Variants in MPHOSPH6 observed in about 807,000 individuals in gnomAD.
The protein encoded by MPHOSPH6 is M-phase phosphoprotein 6.
Under a neutral mutation model 21.8 loss-of-function variants are expected in MPHOSPH6, and 25 were observed. The observed-to-expected ratio is 1.15, with a 90% confidence interval of 0.83 to 1.60. MPHOSPH6 has a LOEUF of 1.60. Ranked by LOEUF, MPHOSPH6 falls within the 40% of genes most tolerant of loss-of-function variation. The probability of loss-of-function intolerance (pLI) is 0.00; values close to 1 mark genes in which losing one functional copy is unlikely to be tolerated. For missense variants in MPHOSPH6, 269 were observed against 181.8 expected (o/e 1.48, Z -2.76); for synonymous variants, 84 against 56.5 (o/e 1.49, Z -2.18).
At chr16:82,155,246 G>A (rs1034711846) in intron 2 of MPHOSPH6, among the ~76,000 whole-genome samples, 2 of 152,192 alleles carry the variant, frequency 1.3e-5, no homozygotes, top group African/African-American at 4.8e-5. Flanking sequence ...TAGAGAGAAA[G>A]TAAATGCTTT....
At chr16:82,149,233 G>A in intron 4 of MPHOSPH6, 76 bp downstream of exon 4, 1 of 1,430,870 alleles carries the variant, frequency 7.0e-7, no homozygotes, top group Non-Finnish European at 9.8e-7. Context: ...CGTGCACTGT[G>A]GGGTAAGAGG....
chr16:82,167,800 C>A (rs4889478), intron 1 of MPHOSPH6, among the ~76,000 whole-genome samples: 1 of 152,068 alleles, frequency 6.6e-6, no homozygotes, highest in Non-Finnish European at 1.5e-5. Context: ...GATGAAGTTT[C>A]GCTCGCTTGC....
At chr16:82,153,968 C>A (rs1422068848) in intron 2 of MPHOSPH6, among the ~76,000 whole-genome samples, 1 of 152,004 alleles carries the variant, frequency 6.6e-6, no homozygotes, top group East Asian at 1.9e-4. Context: ...ACATTTAGGG[C>A]CCACCCAGAT....
intron 2 of MPHOSPH6, chr16:82,163,848 C>G: frequency 2.4e-6 from 1 of 419,680 alleles, no homozygotes; most frequent in African/African-American, 2.1e-5. Flanking sequence ...GGGCTAGGTT[C>G]CTTCATTCAA....
At chr16:82,160,116 A>T (rs924999845) in intron 2 of MPHOSPH6, among the ~76,000 whole-genome samples, 2 of 149,106 alleles carry the variant, frequency 1.3e-5, no homozygotes, top group Admixed American at 6.7e-5. Flanking sequence ...ACGGGTTTGC[A>T]TTGACACCGT....
intron 1 of MPHOSPH6, among the ~76,000 whole-genome samples, chr16:82,168,888 G>T (rs145827911): frequency 6.6e-6 from 1 of 152,208 alleles, no homozygotes; most frequent in Non-Finnish European, 1.5e-5. Flanking sequence ...AGGCATCACA[G>T]AGTACAGAGT....
At chr16:82,163,332 A>G (rs1906664399) in intron 2 of MPHOSPH6, among the ~76,000 whole-genome samples, 1 of 152,246 alleles carries the variant, frequency 6.6e-6, no homozygotes, top group African/African-American at 2.4e-5. Flanking sequence ...AATGAAAAAT[A>G]GCTTCCAGAA....
At chr16:82,167,275 C>A (rs1906812741) in intron 1 of MPHOSPH6, among the ~76,000 whole-genome samples, 1 of 152,134 alleles carries the variant, frequency 6.6e-6, no homozygotes, top group Non-Finnish European at 1.5e-5. Flanking sequence ...TTCTTCTTCC[C>A]ATTAGGATCA....
intron 2 of MPHOSPH6, among the ~76,000 whole-genome samples, chr16:82,162,557 A>G (rs1312328299): frequency 2.6e-5 from 4 of 152,152 alleles, no homozygotes; most frequent in Non-Finnish European, 5.9e-5. Context: ...TCTCTACACA[A>G]CTTATCTGCA....
Position 82,170,185 on chromosome 16 carries a change from C to G in MPHOSPH6, c.-10G>C. On this transcript the variant is annotated 5_prime_UTR_variant, in exon 1 of 5. Coordinates refer to ENST00000258169, the MANE Select transcript of MPHOSPH6 (RefSeq NM_005792.2). ...TTCGCTCGGCCGCCATGGTAGCTTCCGCCCAGCGCCGCACTCCGGCCGCGA... is the reference window on the plus strand; with the variant it reads ...TTCGCTCGGCCGCCATGGTAGCTTCGGCCCAGCGCCGCACTCCGGCCGCGA... The G allele has an allele frequency of 1.3e-6, 2 of 1,576,808 alleles. No individual in the cohort carries two copies. The highest frequency in any genetic ancestry group is 2.3e-5 in the South Asian group (2 of 87,322).
intron 2 of MPHOSPH6, among the ~76,000 whole-genome samples, chr16:82,159,313 G>A (rs1906531764): frequency 1.3e-5 from 2 of 152,078 alleles, no homozygotes; most frequent in African/African-American, 4.8e-5. Context: ...AATGTGTTAG[G>A]TAATGAATTT....
chr16:82,148,929 G>A, intron 4 of MPHOSPH6, 66 bp from the exon 5 acceptor site: 2 of 1,561,736 alleles, frequency 1.3e-6, no homozygotes, highest in South Asian at 1.2e-5. Flanking sequence ...GCCTTGTCAA[G>A]AATATCAGAC....
chr16:82,155,045 G>C (rs954074098), intron 2 of MPHOSPH6, among the ~76,000 whole-genome samples: 1 of 152,038 alleles, frequency 6.6e-6, no homozygotes, highest in African/African-American at 2.4e-5. Flanking sequence ...AGAAATACAA[G>C]GCTGTTCTGA....
intron 2 of MPHOSPH6, among the ~76,000 whole-genome samples, chr16:82,159,334 T>C (rs756296127): frequency 1.1e-4 from 16 of 152,214 alleles, no homozygotes; most frequent in Non-Finnish European, 2.2e-4. Context: ...GTTATTTAAA[T>C]AATTTTTAAA....
chr16:82,154,344 AAAC>A (rs1906361460), intron 2 of MPHOSPH6, among the ~76,000 whole-genome samples: 1 of 152,236 alleles, frequency 6.6e-6, no homozygotes, highest in Admixed American at 6.5e-5. Context: ...CTGCCTAATG[AAAC>A]AAAATTCAAC....
chr16:82,170,034 G>A lies in MPHOSPH6; in HGVS notation c.51+91C>T, dbSNP rs1461467018. On this transcript the variant is annotated intron_variant, in intron 1 of 4. Transcript: ENST00000258169. ...GGAAGCCCTCTGAGGCCTCTCTGGT[G>A]TCCCTTGTCCGCCCGCCGCCTCGGC... 1.2e-5 allele frequency: 17 copies of A among 1,408,466 alleles called. No homozygotes were observed. In the East Asian group the frequency reaches 4.6e-4, roughly 38 times the overall value. The allele number at this position is 1,408,466 out of a possible 1,614,324, so 87.2% of individuals were successfully genotyped here.
chr16:82,155,213 C>T (rs75689408), intron 2 of MPHOSPH6, among the ~76,000 whole-genome samples: 7,991 of 152,224 alleles, frequency 0.052, 528 homozygotes, highest in African/African-American at 0.15. Flanking sequence ...GGGGCATTGA[C>T]GAAAACAGCA....
chr16:82,163,762 TA>T, intron 2 of MPHOSPH6: 1 of 204,516 alleles, frequency 4.9e-6, no homozygotes. Flanking sequence ...AGTACACCCC[TA>T]ATCTTTAGAA....
At chr16:82,163,429 G>A (rs767955391) in intron 2 of MPHOSPH6, among the ~76,000 whole-genome samples, 1 of 152,180 alleles carries the variant, frequency 6.6e-6, no homozygotes, top group African/African-American at 2.4e-5. Context: ...TTAGGGGTGG[G>A]CCAGAAACTG....
Sources: allele counts gnomAD v4.1 joint callset (sites outside exome capture counted in the v4.1 genomes callset), GRCh38; gene constraint gnomAD v4.1.1; transcripts MANE v1.5; gene names NCBI Gene and HGNC (gene_info 2026-07-23, HGNC 2026-07-21).